The following CHEK2 variants were observed in gnomAD, a reference collection of about 807,000 sequenced individuals.
CHEK2 encodes the protein serine/threonine-protein kinase Chk2.
CHEK2 carries 71 observed loss-of-function variants against 69.1 expected under a neutral mutation model. The ratio of observed to expected loss-of-function variants is 1.03; its 90% confidence interval spans 0.85 to 1.25. The LOEUF (loss-of-function observed/expected upper bound fraction) is 1.25, where lower values mean the gene tolerates loss of function less well. Ranked by LOEUF, CHEK2 falls within the 50% of genes most tolerant of loss-of-function variation. The probability of loss-of-function intolerance (pLI) is 0.00; values close to 1 mark genes in which losing one functional copy is unlikely to be tolerated. For missense variants in CHEK2, 664 were observed against 649.6 expected (o/e 1.02, Z -0.24); for synonymous variants, 189 against 226.9 (o/e 0.83, Z 1.50).
rs185753924 is a variant in CHEK2, at chr22:28,703,411, C to T, written c.908+94G>A. 6.7e-5 allele frequency: 50 copies of T among 749,454 alleles called. No individual in the cohort carries two copies. In the African/African-American group the frequency reaches 8.4e-4, roughly 13 times the overall value. The allele number at this position is 749,454 out of a possible 1,614,324, so 46.4% of individuals were successfully genotyped here. ...TACTACATACATACGTTGAGGCCCCCCAGGATGAGAAAGGCAAGCCTACAT... is the reference window on the plus strand; with the variant it reads ...TACTACATACATACGTTGAGGCCCCTCAGGATGAGAAAGGCAAGCCTACAT... On this transcript the variant is annotated intron_variant, in intron 8 of 14. Coordinates refer to ENST00000404276, the MANE Select transcript of CHEK2 (RefSeq NM_007194.4).
chr22:28,727,031 T>C (rs1225629275), intron 2 of CHEK2, among the ~76,000 whole-genome samples: 1 of 151,986 alleles, frequency 6.6e-6, no homozygotes, highest in East Asian at 1.9e-4. Flanking sequence ...AGGACTCTAC[T>C]ATCATCTCCC....
At chr22:28,709,210 A>G (rs79561898) in intron 7 of CHEK2, among the ~76,000 whole-genome samples, 70 of 152,316 alleles carry the variant, frequency 4.6e-4, no homozygotes, top group African/African-American at 1.7e-3. Context: ...TCATTGCACA[A>G]AAAGATAAGA....
At chr22:28,735,019 T>TG (rs1380147384) in intron 1 of CHEK2, among the ~76,000 whole-genome samples, 1 of 152,082 alleles carries the variant, frequency 6.6e-6, no homozygotes, top group Non-Finnish European at 1.5e-5. Context: ...AAAATTGAGC[T>TG]GGGGGGCTCA....
chr22:28,734,805 A>T, intron 1 of CHEK2, 78 bp from the exon 2 acceptor site: 2 of 1,072,356 alleles, frequency 1.9e-6, no homozygotes, highest in Non-Finnish European at 2.8e-6. Context: ...TGATGGGCCT[A>T]TTACAACAGC....
At chr22:28,708,393 G>GTGTGTA (rs1365075755) in intron 7 of CHEK2, among the ~76,000 whole-genome samples, 3 of 151,498 alleles carry the variant, frequency 2.0e-5, no homozygotes, top group African/African-American at 7.3e-5. Context: ...GTGTGTGTGT[G>GTGTGTA]TGTGTGTGTT....
chr22:28,732,993 T>C (rs375679461), intron 2 of CHEK2, among the ~76,000 whole-genome samples: 4 of 152,150 alleles, frequency 2.6e-5, no homozygotes, highest in Non-Finnish European at 2.9e-5. Context: ...GGTTTTGCCA[T>C]GTTGCCCAAG....
At position 28,695,147 on chromosome 22, in the gene CHEK2, C is replaced by T. The variant is rs1601719186; in HGVS notation, c.1355G>A (p.Trp452Ter). The part of the protein sequence containing the change: ...SGKYNFIPEV[W>*]AEVSEKALDL... ...CATACCTTTCTCTGAGACTTCTGCC[C>T]AGACTTCAGGAATGAAGTTGTATTT... Residue 452 changes from tryptophan to a stop codon, truncating the protein, a stop_gained, in exon 12 of 15, where the codon TGG becomes TAG. Transcript: ENST00000404276. LOFTEE classifies it high-confidence loss of function. The T allele has an allele frequency of 1.2e-6, 2 of 1,609,880 alleles. No individual in the cohort carries two copies. Among genetic ancestry groups the T allele is most frequent in the Non-Finnish European group, 1.7e-6 (2 of 1,176,284 alleles).
chr22:28,710,190 C>CA, intron 6 of CHEK2, 131 bp from the exon 7 acceptor site: 2 of 622,104 alleles, frequency 3.2e-6, no homozygotes, highest in African/African-American at 3.7e-5. Flanking sequence ...ACAAAGAAAT[C>CA]AAAGCCCAGG....
intron 2 of CHEK2, among the ~76,000 whole-genome samples, chr22:28,733,991 C>T (rs1372074216): frequency 6.6e-6 from 1 of 152,010 alleles, no homozygotes; most frequent in Non-Finnish European, 1.5e-5. Flanking sequence ...GCCTATGATC[C>T]GTCCATTCTA....
rs1052931526 is a variant in CHEK2, at chr22:28,721,464, T to A, written c.593-1979A>T. On this transcript the variant is annotated intron_variant, in intron 4 of 14. Transcript: ENST00000404276. ...ATCATGCCCGGCTAATTTTTGTATT[T>A]TTAATAGAGACAGAGTTTCACCACG... 1.0e-4 allele frequency: 33 copies of A among 329,616 alleles called. No individual in the cohort carries two copies. The Admixed American group carries it at 1.2e-3, about 12-fold the overall frequency. The allele number at this position is 329,616 out of a possible 1,614,324, so 20.4% of individuals were successfully genotyped here.
intron 7 of CHEK2, among the ~76,000 whole-genome samples, chr22:28,707,983 C>T (rs1296310863): frequency 2.0e-5 from 3 of 151,776 alleles, no homozygotes; most frequent in Admixed American, 6.6e-5. Flanking sequence ...ACTACACGCA[C>T]CCGCCACCAC....
intron 9 of CHEK2, among the ~76,000 whole-genome samples, chr22:28,698,098 A>G (rs1392775871): frequency 6.6e-6 from 1 of 151,626 alleles, no homozygotes; most frequent in Non-Finnish European, 1.5e-5. Context: ...TTTTTTTTTA[A>G]AAAGGCTTGT....
intron 2 of CHEK2, among the ~76,000 whole-genome samples, chr22:28,727,509 C>G (rs1457900508): frequency 6.6e-6 from 1 of 152,160 alleles, no homozygotes; most frequent in African/African-American, 2.4e-5. Flanking sequence ...CTGGAGACCT[C>G]TTGTTTAACA....
chr22:28,699,348 A>G (rs898156522), intron 9 of CHEK2, among the ~76,000 whole-genome samples: 1 of 144,258 alleles, frequency 6.9e-6, no homozygotes, highest in African/African-American at 2.6e-5. Context: ...TAAGCTACAC[A>G]GTGAGAGCTT....
At chr22:28,721,292 T>G (rs1337561586) in intron 4 of CHEK2, among the ~76,000 whole-genome samples, 1 of 146,108 alleles carries the variant, frequency 6.8e-6, no homozygotes, top group Non-Finnish European at 1.5e-5. Context: ...TTTTTTTTTT[T>G]TTTTTTTTTT....
rs121908694 is a variant in CHEK2 at position 28,734,600 on chromosome 22, G to A, written c.122C>T (p.Ser41Phe). The A allele has an allele frequency of 3.7e-6, 6 of 1,613,936 alleles. No individual in the cohort carries two copies. Among genetic ancestry groups the A allele is most frequent in the Non-Finnish European group, 5.1e-6 (6 of 1,180,004 alleles). The part of the protein sequence containing the change: ...SSSQSQGISS[S>F]STSTMPNSSQ... ...GGAGTTTGGCATCGTGCTGGTAGAG[G>A]AGCTGGATATGCCCTGGGACTGTGA... Residue 41 changes from serine to phenylalanine, a missense_variant, in exon 2 of 15, where the codon TCC (serine) becomes TTC (phenylalanine). Coordinates refer to ENST00000404276, the MANE Select transcript of CHEK2 (RefSeq NM_007194.4).
At chr22:28,716,909 T>G (rs571872017) in intron 5 of CHEK2, among the ~76,000 whole-genome samples, 4 of 152,262 alleles carry the variant, frequency 2.6e-5, no homozygotes, top group Admixed American at 6.5e-5. Flanking sequence ...CATTAGCTCA[T>G]AAGTATGGAG....
At chr22:28,701,856 C>A (rs1237641994) in intron 8 of CHEK2, among the ~76,000 whole-genome samples, 1 of 152,102 alleles carries the variant, frequency 6.6e-6, no homozygotes, top group African/African-American at 2.4e-5. Flanking sequence ...GAATTGGTTC[C>A]AGGAGCTCTC....
At chr22:28,736,428 G>C (rs1490964483) in intron 1 of CHEK2, among the ~76,000 whole-genome samples, 2 of 152,160 alleles carry the variant, frequency 1.3e-5, no homozygotes, top group Non-Finnish European at 2.9e-5. Flanking sequence ...TGACACCTAA[G>C]GACCCAGTGA....
Sources: gnomAD v4.1 joint callset for allele counts (sites outside exome capture counted in the v4.1 genomes callset) on GRCh38, gnomAD v4.1.1 for gene constraint, MANE v1.5 for transcripts, NCBI Gene and HGNC (gene_info 2026-07-23, HGNC 2026-07-21) for gene names.